ARPP21: variants seen among roughly 807,000 people sequenced by gnomAD.
The protein encoded by ARPP21 is cAMP-regulated phosphoprotein 21.
A neutral mutation model predicts 113.2 loss-of-function variants in ARPP21; 69 were observed. That is an observed-to-expected ratio of 0.61 (90% CI 0.50 to 0.74). The LOEUF is 0.74. ARPP21 is among the 30% of genes least tolerant of loss of function. The probability of loss-of-function intolerance (pLI) is 0.00; values close to 1 mark genes in which losing one functional copy is unlikely to be tolerated. For synonymous variants in ARPP21, 368 were observed against 375.5 expected (o/e 0.98, Z 0.23); for missense variants, 1,070 against 1,037.4 (o/e 1.03, Z -0.43).
chr3:35,793,889 A>G lies in ARPP21; in HGVS notation c.2475A>G (p.Pro825=). The part of the protein sequence containing the change: ...IGPHCPSSTV[P]VMSASCRTNC... ...CACACTGCCCCTCCAGCACTGTCCC[A>G]GTGATGTCAGCTAGCTGCAGAACAA... Residue 825 remains proline (P), a synonymous_variant, in exon 21 of 21, where the codon CCA becomes CCG. Coordinates refer to ENST00000684406, the MANE Select transcript of ARPP21 (RefSeq NM_001385562.1). 6.2e-7 allele frequency: 1 copy of G among 1,614,120 alleles called. No individual in the cohort carries two copies. Among genetic ancestry groups the G allele is most frequent in the Non-Finnish European group, 8.5e-7 (1 of 1,179,988 alleles).
At chr3:35,785,640 G>T (rs2096616512) in intron 19 of ARPP21, among the ~76,000 whole-genome samples, 1 of 152,160 alleles carries the variant, frequency 6.6e-6, no homozygotes, top group African/African-American at 2.4e-5. Flanking sequence ...GATGTGTACT[G>T]CCATTAGAAA....
At chr3:35,712,472 A>G (rs2091400142) in intron 11 of ARPP21, among the ~76,000 whole-genome samples, 1 of 151,520 alleles carries the variant, frequency 6.6e-6, no homozygotes, top group Admixed American at 6.6e-5. Context: ...AATCAGAAAC[A>G]TTCTTGAATA....
In ARPP21 at chr3:35,792,521, T is replaced by A; in HGVS notation, c.2277T>A (p.Ser759=). Residue 759 remains serine (S), a synonymous_variant, in exon 20 of 21, where the codon TCT becomes TCA. Coordinates refer to ENST00000684406, the MANE Select transcript of ARPP21 (RefSeq NM_001385562.1). The stretch of plus-strand genomic sequence containing the variant: ...TGATGGTTTCCTACCCAACAATGTC[T>A]TCTTATCAGGTGCTCATAAGCAGCT... ...QSVMVSYPTM[S]SYQVPMTQGS... The A allele has an allele frequency of 6.2e-7, 1 of 1,614,070 alleles. No individual in the cohort carries two copies. Among genetic ancestry groups the A allele is most frequent in the Non-Finnish European group, 8.5e-7 (1 of 1,179,932 alleles).
chr3:35,668,004 A>AGAG (rs2075208040), intron 1 of ARPP21, among the ~76,000 whole-genome samples: 1 of 150,312 alleles, frequency 6.7e-6, no homozygotes, highest in Non-Finnish European at 1.5e-5. Flanking sequence ...AAGAAGAAGA[A>AGAG]GAAGAAGAAG....
chr3:35,681,961 T>A, intron 3 of ARPP21, 81 bp downstream of exon 3: 1 of 1,438,002 alleles, frequency 7.0e-7, no homozygotes, highest in Non-Finnish European at 9.3e-7. Context: ...CTTTAGAGAT[T>A]TATTTTTTAA....
intron 1 of ARPP21, among the ~76,000 whole-genome samples, chr3:35,664,757 A>C (rs1377981876): frequency 6.6e-6 from 1 of 152,098 alleles, no homozygotes; most frequent in Non-Finnish European, 1.5e-5. Flanking sequence ...GCCCCTGGTA[A>C]GTGCCTGGAG....
intron 14 of ARPP21, among the ~76,000 whole-genome samples, chr3:35,727,604 T>A (rs1308193002): frequency 6.6e-6 from 1 of 152,234 alleles, no homozygotes; most frequent in Non-Finnish European, 1.5e-5. Context: ...GATTATATAT[T>A]TTGACTTTAA....
chr3:35,753,105 C>T (rs1389381510), intron 19 of ARPP21, among the ~76,000 whole-genome samples: 7 of 149,378 alleles, frequency 4.7e-5, no homozygotes, highest in Non-Finnish European at 1.0e-4. Context: ...AGAGAATATT[C>T]ATTTTAGCCA....
chr3:35,677,692 A>G (rs115439377), intron 1 of ARPP21, among the ~76,000 whole-genome samples: 2,379 of 152,088 alleles, frequency 0.016, 61 homozygotes, highest in African/African-American at 0.054. Context: ...AAACTGTAAC[A>G]GTTGAAATTT....
At chr3:35,662,317 C>T (rs1708202637) in intron 1 of ARPP21, among the ~76,000 whole-genome samples, 1 of 152,186 alleles carries the variant, frequency 6.6e-6, no homozygotes, top group African/African-American at 2.4e-5. Context: ...GAGGAGCTAA[C>T]AATGGCTTAA....
Position 35,792,516 on chromosome 3 carries a change from A to T in ARPP21, c.2272A>T (p.Met758Leu). The T allele has an allele frequency of 5.6e-6, 9 of 1,614,032 alleles. No individual in the cohort carries two copies. Among genetic ancestry groups the T allele is most frequent in the Non-Finnish European group, 2.5e-6 (3 of 1,179,926 alleles). ...VQSVMVSYPT[M>L]SSYQVPMTQG... The stretch of plus-strand genomic sequence containing the variant: ...AAGCGTGATGGTTTCCTACCCAACA[A>T]TGTCTTCTTATCAGGTGCTCATAAG... The change falls in exon 20 of 21, where the codon ATG (methionine) becomes TTG (leucine). Residue 758 changes from methionine (M) to leucine (L), a missense_variant. Physicochemically the swap from Met to Leu is conservative, Grantham distance 15 (BLOSUM62 2). Coordinates refer to ENST00000684406, the MANE Select transcript of ARPP21 (RefSeq NM_001385562.1).
intron 19 of ARPP21, among the ~76,000 whole-genome samples, chr3:35,768,082 G>GTA (rs2096054152): frequency 2.2e-4 from 1 of 4,462 alleles, no homozygotes; most frequent in Non-Finnish European, 4.5e-4. Context: ...GCTTTTCCGT[G>GTA]TGTGTGTGTG....
rs141196694 is a variant in ARPP21 at position 35,730,531 on chromosome 3, G to A, written c.1459+995G>A. 2.8e-4 allele frequency among the ~76,000 whole-genome samples: 43 copies of A among 152,244 alleles called. No individual in the cohort carries two copies. In the South Asian group the frequency reaches 3.5e-3, roughly 12 times the overall value. ...GGTGGTACCATGGTTGAGAATCCCC[G>A]GCTTAGAAAGCTTGACATTGACTAG... is the stretch of plus-strand genomic sequence containing the variant. On this transcript the variant is annotated intron_variant, in intron 15 of 20. Coordinates refer to ENST00000684406, the MANE Select transcript of ARPP21 (RefSeq NM_001385562.1).
chr3:35,700,606 A>T (rs2085981810), intron 9 of ARPP21, among the ~76,000 whole-genome samples: 1 of 151,716 alleles, frequency 6.6e-6, no homozygotes, highest in African/African-American at 2.4e-5. Flanking sequence ...ACTTGCAAGA[A>T]ATTAGTACCC....
intron 19 of ARPP21, among the ~76,000 whole-genome samples, chr3:35,776,923 C>A (rs1354848878): frequency 6.6e-6 from 1 of 152,080 alleles, no homozygotes; most frequent in South Asian, 2.1e-4. Context: ...AGAGTTTTGC[C>A]TACCATCATT....
intron 9 of ARPP21, among the ~76,000 whole-genome samples, chr3:35,699,584 T>G (rs1312864250): frequency 6.6e-6 from 1 of 151,746 alleles, no homozygotes; most frequent in Non-Finnish European, 1.5e-5. Flanking sequence ...GGTACCACAG[T>G]GTTCTCAGAG....
chr3:35,664,535 G>A (rs1173247084), intron 1 of ARPP21, among the ~76,000 whole-genome samples: 1 of 152,140 alleles, frequency 6.6e-6, no homozygotes, highest in East Asian at 1.9e-4. Context: ...CTGCCAGAGC[G>A]TTCACGATGA....
At chr3:35,672,096 A>T (rs964531814) in intron 1 of ARPP21, among the ~76,000 whole-genome samples, 4 of 152,090 alleles carry the variant, frequency 2.6e-5, no homozygotes, top group African/African-American at 9.7e-5. Flanking sequence ...CCTAAGTTTA[A>T]TGTTAGTAGT....
chr3:35,739,512 T>A lies in ARPP21; in HGVS notation c.1945T>A (p.Ser649Thr). Residue 649 changes from serine (S) to threonine (T), a missense_variant, in exon 18 of 21, where the codon TCC becomes ACC. Transcript: ENST00000684406. ...ATTCTCAGGCTCTGGCCCTCCCATCTCCCAGCAGGTCCTCCAGCCCCCTCC... is the reference window on the plus strand; with the variant it reads ...ATTCTCAGGCTCTGGCCCTCCCATCACCCAGCAGGTCCTCCAGCCCCCTCC... The part of the protein sequence containing the change: ...GGFSGSGPPI[S>T]QQVLQPPPSP... The A allele has an allele frequency of 6.2e-7, 1 of 1,614,034 alleles. No individual in the cohort carries two copies. The highest frequency in any genetic ancestry group is 8.5e-7 in the Non-Finnish European group (1 of 1,179,994).
Sources: allele counts gnomAD v4.1 joint callset (sites outside exome capture counted in the v4.1 genomes callset), GRCh38; gene constraint gnomAD v4.1.1; transcripts MANE v1.5; gene names NCBI Gene and HGNC (gene_info 2026-07-23, HGNC 2026-07-21).